The following RBFOX1 variants were observed in gnomAD, a reference collection of about 807,000 sequenced individuals.
RBFOX1 encodes RNA binding fox-1 homolog 1.
In RBFOX1, 8 loss-of-function variants were observed where a neutral mutation model predicts 57.7. That is an observed-to-expected ratio of 0.14 (90% CI 0.08 to 0.25). RBFOX1 has a LOEUF of 0.25. Ranked by LOEUF, RBFOX1 falls within the 10% of genes least tolerant of loss-of-function variation. The pLI, the probability that RBFOX1 is intolerant of heterozygous loss-of-function variation, is 1.00. For synonymous variants in RBFOX1, 326 were observed against 222.4 expected (o/e 1.47, Z -4.15); for missense variants, 611 against 548.5 (o/e 1.11, Z -1.14).
intron 4 of RBFOX1, among the ~76,000 whole-genome samples, chr16:7,259,853 A>G (rs890481778): frequency 6.6e-5 from 10 of 152,184 alleles, no homozygotes; most frequent in East Asian, 1.9e-4. Context: ...AGAATCTAGT[A>G]TACCTGGTGT....
At chr16:7,197,160 T>C (rs952014658) in intron 4 of RBFOX1, among the ~76,000 whole-genome samples, 1 of 152,208 alleles carries the variant, frequency 6.6e-6, no homozygotes, top group African/African-American at 2.4e-5. Flanking sequence ...TAGCGTTCTC[T>C]GGTTTCTCCA....
chr16:5,995,441 A>T (rs1247384761), intron 4 of RBFOX1, among the ~76,000 whole-genome samples: 2 of 152,132 alleles, frequency 1.3e-5, no homozygotes, highest in Non-Finnish European at 2.9e-5. Flanking sequence ...GCTTTTATCA[A>T]AGGTTTTTGA....
intron 4 of RBFOX1, among the ~76,000 whole-genome samples, chr16:7,394,442 G>C (rs2098107189): frequency 6.6e-6 from 1 of 151,890 alleles, no homozygotes; most frequent in South Asian, 2.1e-4. Flanking sequence ...TGGCCATATG[G>C]GGAACAGGAT....
chr16:6,220,543 C>T (rs1220779817), intron 1 of RBFOX1, among the ~76,000 whole-genome samples: 1 of 152,174 alleles, frequency 6.6e-6, no homozygotes, highest in Admixed American at 6.5e-5. Flanking sequence ...TAATATCTCT[C>T]AGTCAGTGAG....
At chr16:6,557,621 G>A (rs1473624153) in intron 2 of RBFOX1, among the ~76,000 whole-genome samples, 2 of 152,144 alleles carry the variant, frequency 1.3e-5, no homozygotes, top group Admixed American at 6.6e-5. Context: ...GTTAAGTATC[G>A]CTGATTAATT....
intron 4 of RBFOX1, among the ~76,000 whole-genome samples, chr16:7,259,048 A>C (rs1020577263): frequency 1.3e-4 from 20 of 152,308 alleles, no homozygotes; most frequent in Admixed American, 5.2e-4. Context: ...ACCTTTGAGA[A>C]AACTAGTAGC....
At chr16:7,286,322 G>A (rs923656712) in intron 4 of RBFOX1, among the ~76,000 whole-genome samples, 6 of 152,048 alleles carry the variant, frequency 3.9e-5, no homozygotes, top group African/African-American at 9.7e-5. Context: ...CAAACATCAT[G>A]TGGCTTTGCA....
intron 2 of RBFOX1, among the ~76,000 whole-genome samples, chr16:6,649,485 C>G (rs1173810082): frequency 6.6e-6 from 1 of 152,184 alleles, no homozygotes; most frequent in East Asian, 1.9e-4. Context: ...GTACACCGTA[C>G]CCAACGTGTA....
chr16:6,864,983 G>GTTTTTTTTTTTT (rs201161627), intron 3 of RBFOX1, among the ~76,000 whole-genome samples: 1 of 121,038 alleles, frequency 8.3e-6, no homozygotes, highest in African/African-American at 3.6e-5. Context: ...GTTGGAGTGG[G>GTTTTTTTTTTTT]TTTTTCTTTT....
At chr16:5,651,143 C>G (rs1321581564) in intron 3 of RBFOX1, among the ~76,000 whole-genome samples, 5 of 144,956 alleles carry the variant, frequency 3.4e-5, no homozygotes, top group Admixed American at 2.2e-4. Flanking sequence ...ACCTCTGCCT[C>G]CTGGGTTCAA....
intron 2 of RBFOX1, among the ~76,000 whole-genome samples, chr16:6,640,506 G>A (rs1410988700): frequency 6.6e-6 from 1 of 152,046 alleles, no homozygotes; most frequent in African/African-American, 2.4e-5. Flanking sequence ...TACTTGGGAG[G>A]CTGAGGCAGG....
chr16:7,098,540 A>C (rs896566166), intron 4 of RBFOX1, among the ~76,000 whole-genome samples: 1 of 152,232 alleles, frequency 6.6e-6, no homozygotes, highest in Non-Finnish European at 1.5e-5. Flanking sequence ...CTTTATTGAA[A>C]TGTAACACAC....
chr16:5,695,679 C>G (rs1369504218), intron 3 of RBFOX1, among the ~76,000 whole-genome samples: 3 of 152,156 alleles, frequency 2.0e-5, no homozygotes, highest in Non-Finnish European at 2.9e-5. Context: ...GAAATTGCAC[C>G]TTTGCACCCT....
chr16:5,940,367 T>G (rs1205771477), intron 4 of RBFOX1, among the ~76,000 whole-genome samples: 1 of 152,172 alleles, frequency 6.6e-6, no homozygotes, highest in Non-Finnish European at 1.5e-5. Flanking sequence ...AAGAGCCCAA[T>G]GTTCACGTTC....
intron 4 of RBFOX1, among the ~76,000 whole-genome samples, chr16:5,953,211 G>A (rs1042304407): frequency 6.6e-6 from 1 of 152,110 alleles, no homozygotes; most frequent in Non-Finnish European, 1.5e-5. Flanking sequence ...TCTCAGCTAG[G>A]GAATGATTTT....
At chr16:7,004,682 T>C (rs944473370) in intron 3 of RBFOX1, among the ~76,000 whole-genome samples, 3 of 152,204 alleles carry the variant, frequency 2.0e-5, no homozygotes, top group African/African-American at 4.8e-5. Flanking sequence ...AGGGAAAATA[T>C]ACAAAAGCCA....
intron 1 of RBFOX1, among the ~76,000 whole-genome samples, chr16:5,434,795 A>C (rs1022494564): frequency 6.6e-6 from 1 of 152,180 alleles, no homozygotes; most frequent in South Asian, 2.1e-4. Flanking sequence ...TAGTTATATA[A>C]CTAATATCAT....
At chr16:5,347,517 C>G (rs999459439) in intron 1 of RBFOX1, among the ~76,000 whole-genome samples, 2 of 152,096 alleles carry the variant, frequency 1.3e-5, no homozygotes, top group African/African-American at 4.8e-5. Flanking sequence ...CTTCTTATTT[C>G]CACCATACAC....
chr16:7,143,673 A>C (rs948631177), intron 4 of RBFOX1, among the ~76,000 whole-genome samples: 1 of 152,134 alleles, frequency 6.6e-6, no homozygotes, highest in Non-Finnish European at 1.5e-5. Context: ...AGCTCTCTGC[A>C]GATACGATCC....
Sources: gnomAD v4.1 joint callset for allele counts (sites outside exome capture counted in the v4.1 genomes callset) on GRCh38, gnomAD v4.1.1 for gene constraint, MANE v1.5 for transcripts, NCBI Gene and HGNC (gene_info 2026-07-23, HGNC 2026-07-21) for gene names.